The following APOLD1 variants were observed in gnomAD, a reference collection of about 807,000 sequenced individuals.
The protein encoded by APOLD1 is apolipoprotein L domain containing 1.
In APOLD1, 22 loss-of-function variants were observed where a neutral mutation model predicts 15.3. The observed-to-expected ratio is 1.44, with a 90% CI of 1.03 to 2.05. APOLD1 has a LOEUF of 2.05. APOLD1 is among the 30% of genes most tolerant of loss of function. The pLI, the probability that APOLD1 is intolerant of heterozygous loss-of-function variation, is 0.00. For missense variants in APOLD1, 394 were observed against 353.5 expected (o/e 1.11, Z -0.92); for synonymous variants, 190 against 167.4 (o/e 1.13, Z -1.04).
chr12:12,726,319 G>A (rs941811966), intron 1 of APOLD1: 34 of 649,844 alleles, frequency 5.2e-5, no homozygotes, highest in Non-Finnish European at 8.9e-5. Context: ...GGAGGAATAT[G>A]TTAAAACAAA....
chr12:12,773,794 A>G (rs1027754718), intron 1 of APOLD1, among the ~76,000 whole-genome samples: 2 of 152,192 alleles, frequency 1.3e-5, no homozygotes, highest in Non-Finnish European at 2.9e-5. Context: ...ACCCACATAA[A>G]TATAGACAAT....
At position 12,787,823 on chromosome 12, in the gene APOLD1, T is replaced by C; in HGVS notation, c.*171T>C. 1.1e-6 allele frequency: 1 copy of C among 903,326 alleles called. No individual in the cohort carries two copies. 56.0% of individuals were successfully genotyped at this position (903,326 alleles called of 1,614,324 possible). The stretch of plus-strand genomic sequence containing the variant: ...CCCAAAGCCCTTCTTTTCCCATCAC[T>C]GTGACATCTGCCTGGGCTTGAGTGC... On this transcript the variant is annotated 3_prime_UTR_variant, in exon 2 of 2. Coordinates refer to ENST00000356591, the MANE Select transcript of APOLD1 (RefSeq NM_030817.3). This position sits in a 1 kb window ranked among gnomAD's most constrained non-coding sequence, Gnocchi z 4.9.
chr12:12,782,452 T>C (rs1311043501), upstream of APOLD1, among the ~76,000 whole-genome samples: 4 of 152,176 alleles, frequency 2.6e-5, no homozygotes, highest in Non-Finnish European at 5.9e-5. Context: ...CTTCCTACAC[T>C]GAATTTCCTC....
intron 1 of APOLD1, among the ~76,000 whole-genome samples, chr12:12,764,109 C>T (rs1437474834): frequency 6.6e-6 from 1 of 152,068 alleles, no homozygotes; most frequent in Non-Finnish European, 1.5e-5. Flanking sequence ...ATTGCAGGTG[C>T]CTGCCACCAT....
intron 1 of APOLD1, among the ~76,000 whole-genome samples, chr12:12,750,496 T>C (rs1286774801): frequency 6.6e-6 from 1 of 152,114 alleles, no homozygotes; most frequent in Non-Finnish European, 1.5e-5. Context: ...TAATGTCTCA[T>C]GATTTTGACT....
intron 1 of APOLD1, among the ~76,000 whole-genome samples, chr12:12,774,907 T>C (rs1340468911): frequency 1.3e-5 from 2 of 152,188 alleles, no homozygotes; most frequent in African/African-American, 4.8e-5. Context: ...CTTACAAAAC[T>C]AAACATACTC....
At chr12:12,751,998 G>C (rs774764889) in intron 1 of APOLD1, among the ~76,000 whole-genome samples, 2 of 152,192 alleles carry the variant, frequency 1.3e-5, no homozygotes, top group African/African-American at 2.4e-5. Flanking sequence ...TCTCCCCTCA[G>C]AGGCTTCAGA....
chr12:12,780,329 C>T (rs1565437457), intron 1 of APOLD1, among the ~76,000 whole-genome samples: 4 of 151,182 alleles, frequency 2.6e-5, no homozygotes, highest in African/African-American at 9.7e-5. Flanking sequence ...ACTGCAGCCT[C>T]ACCTCCCAGG....
intron 1 of APOLD1, among the ~76,000 whole-genome samples, chr12:12,766,317 G>A (rs1946942170): frequency 6.9e-6 from 1 of 144,588 alleles, no homozygotes. Context: ...TCAGTGGGCA[G>A]GATCATGTAA....
chr12:12,750,806 A>G (rs752521453), intron 1 of APOLD1, among the ~76,000 whole-genome samples: 2 of 151,828 alleles, frequency 1.3e-5, no homozygotes, highest in Non-Finnish European at 2.9e-5. Flanking sequence ...ACAGGGTCTT[A>G]CTCTGTCACC....
intron 1 of APOLD1, among the ~76,000 whole-genome samples, chr12:12,760,886 A>T (rs1334321707): frequency 1.3e-5 from 2 of 152,220 alleles, no homozygotes; most frequent in African/African-American, 4.8e-5. Flanking sequence ...ACATAGTAGG[A>T]TATACCAAAG....
intron 1 of APOLD1, among the ~76,000 whole-genome samples, chr12:12,779,891 A>G (rs2136397366): frequency 6.6e-6 from 1 of 152,300 alleles, no homozygotes; most frequent in African/African-American, 2.4e-5. Flanking sequence ...ATTTGGAGGA[A>G]TGAAAATGGC....
At chr12:12,764,347 ACCAATAT>A (rs908980977) in intron 1 of APOLD1, among the ~76,000 whole-genome samples, 8 of 152,290 alleles carry the variant, frequency 5.3e-5, no homozygotes, top group Admixed American at 5.2e-4. Context: ...ATATGCTTTG[ACCAATAT>A]CTCCCCAATT....
rs1481880642 is a variant in APOLD1, at chr12:12,791,424, T to C, written c.*3772T>C. 2.0e-5 allele frequency: 3 copies of C among 152,240 alleles called. No homozygotes were observed. The highest frequency in any genetic ancestry group is 2.0e-4 in the Admixed American group (3 of 15,282). 9.4% of individuals were successfully genotyped at this position (152,240 alleles called of 1,614,324 possible). A position where few individuals can be genotyped will look rare whatever the true frequency, so the allele number is the denominator to read the frequency against. On this transcript the variant is annotated 3_prime_UTR_variant, in exon 2 of 2. Coordinates refer to ENST00000356591, the MANE Select transcript of APOLD1 (RefSeq NM_030817.3). ...TTCATTTTTTCCCACTGTAGCAAAATTAATGCTTTCTCTTTATTGAAATAA... is the reference window on the plus strand; with the variant it reads ...TTCATTTTTTCCCACTGTAGCAAAACTAATGCTTTCTCTTTATTGAAATAA...
chr12:12,733,126 C>G (rs1254214472), intron 1 of APOLD1, among the ~76,000 whole-genome samples: 1 of 146,248 alleles, frequency 6.8e-6, no homozygotes. Flanking sequence ...CCAGCCTGGG[C>G]AACGTGGTGA....
Position 12,786,976 on chromosome 12 carries a change from T to A in APOLD1, c.71T>A (p.Leu24Gln). Reference protein sequence around the residue: ...PDALRRFQGLLLDRRGRLHGQ... With the variant: ...PDALRRFQGLQLDRRGRLHGQ... ...GCGCTGCGGCGCTTCCAGGGACTGC[T>A]GCTGGACCGCCGAGGCCGGCTGCAC... Residue 24 changes from leucine (L) to glutamine (Q), a missense_variant, in exon 2 of 2, where the codon CTG (leucine) becomes CAG (glutamine). Coordinates refer to ENST00000356591, the MANE Select transcript of APOLD1 (RefSeq NM_030817.3). 1 of 1,438,516 alleles carries A rather than the reference T, an allele frequency of 7.0e-7. No homozygotes were observed. Among genetic ancestry groups the A allele is most frequent in the Non-Finnish European group, 9.0e-7 (1 of 1,106,502 alleles). The allele number at this position is 1,438,516 out of a possible 1,614,324, so 89.1% of individuals were successfully genotyped here.
chr12:12,761,176 G>A (rs1351615897), intron 1 of APOLD1, among the ~76,000 whole-genome samples: 4 of 152,164 alleles, frequency 2.6e-5, no homozygotes, highest in African/African-American at 9.7e-5. Flanking sequence ...GGAACTACTG[G>A]AACTTTTGCT....
At chr12:12,782,048 C>T (rs1263435039), upstream of APOLD1, among the ~76,000 whole-genome samples, 2 of 151,644 alleles carry the variant, frequency 1.3e-5, no homozygotes, top group Middle Eastern at 3.2e-3. Flanking sequence ...CACCTGAGGT[C>T]AGGAGTTTGA....
intron 1 of APOLD1, among the ~76,000 whole-genome samples, chr12:12,780,623 C>T (rs1322606908): frequency 6.7e-6 from 1 of 148,730 alleles, no homozygotes; most frequent in Non-Finnish European, 1.5e-5. Flanking sequence ...GAGTCTGGCT[C>T]TGCCACCCAG....
Sources: gnomAD v4.1 joint callset for allele counts (sites outside exome capture counted in the v4.1 genomes callset) on GRCh38, gnomAD v4.1.1 for gene constraint, Gnocchi (gnomAD v3.1) non-coding constraint, MANE v1.5 for transcripts, NCBI Gene and HGNC (gene_info 2026-07-23, HGNC 2026-07-21) for gene names.